Variants in PDXDC1 observed in about 807,000 individuals in gnomAD.
PDXDC1 encodes pyridoxal dependent decarboxylase domain containing 1, also known as pyridoxal-dependent decarboxylase domain-containing protein 1.
In PDXDC1, 42 loss-of-function variants were observed where a neutral mutation model predicts 100.1. That is an observed-to-expected ratio of 0.42 (90% CI 0.33 to 0.54). The LOEUF is 0.54. Ranked by LOEUF, PDXDC1 falls within the 20% of genes least tolerant of loss-of-function variation. The probability of loss-of-function intolerance (pLI) is 0.10; values close to 1 mark genes in which losing one functional copy is unlikely to be tolerated. For synonymous variants in PDXDC1, 260 were observed against 371.7 expected (o/e 0.70, Z 3.46); for missense variants, 636 against 979.2 (o/e 0.65, Z 4.68).
chr16:15,135,592 G>A (rs918389935), intron 16 of PDXDC1: 1 of 1,371,364 alleles, frequency 7.3e-7, no homozygotes, highest in African/African-American at 1.4e-5. Context: ...GGTGTTCTCT[G>A]GGCTCATGGG....
chr16:15,132,534 G>A (rs1336303569), intron 16 of PDXDC1, among the ~76,000 whole-genome samples: 1 of 150,720 alleles, frequency 6.6e-6, no homozygotes, highest in East Asian at 2.0e-4. Context: ...GAGGCACCCT[G>A]CGTTCACACA....
chr16:14,984,495 A>ATATATATATATATATAT (rs1555542734), intron 1 of PDXDC1, among the ~76,000 whole-genome samples: 3 of 73,490 alleles, frequency 4.1e-5, no homozygotes, highest in South Asian at 5.3e-4. Context: ...ATATATATAT[A>ATATATATATATATATAT]TTTTTTTTTT....
chr16:15,027,352 G>A (rs1160443010), intron 14 of PDXDC1, among the ~76,000 whole-genome samples: 1 of 152,288 alleles, frequency 6.6e-6, no homozygotes, highest in African/African-American at 2.4e-5. Context: ...CAGCATCTGG[G>A]GGTGAATGTT....
intron 8 of PDXDC1, chr16:15,015,788 A>C (rs2041749366): frequency 2.3e-6 from 1 of 437,872 alleles, no homozygotes; most frequent in South Asian, 3.2e-5. Context: ...CTAAAGGAAA[A>C]GTCTGATGTA....
chr16:15,097,833 T>C (rs2046410484), intron 16 of PDXDC1, among the ~76,000 whole-genome samples: 2 of 152,074 alleles, frequency 1.3e-5, no homozygotes, highest in African/African-American at 4.8e-5. Context: ...ATAATTATCA[T>C]ATTTATACTC....
intron 14 of PDXDC1, among the ~76,000 whole-genome samples, chr16:15,027,665 G>A (rs568323445): frequency 2.6e-4 from 40 of 152,396 alleles, no homozygotes; most frequent in Non-Finnish European, 4.1e-4. Context: ...CCTCGTCCCC[G>A]TGGTTGATGG....
At chr16:15,074,110 T>C (rs1167009301) in intron 16 of PDXDC1, among the ~76,000 whole-genome samples, 1 of 152,208 alleles carries the variant, frequency 6.6e-6, no homozygotes, top group African/African-American at 2.4e-5. Context: ...GCCATTTAAA[T>C]TGTTTTTATC....
At chr16:15,022,898 C>A (rs557726743) in intron 13 of PDXDC1, 144 bp downstream of exon 13, 11 of 737,344 alleles carry the variant, frequency 1.5e-5, no homozygotes, top group Non-Finnish European at 2.1e-5. Flanking sequence ...AACAAAAAAA[C>A]GAAACAAAAA....
At chr16:15,020,975 A>AACACAC (rs66850292) in intron 12 of PDXDC1, among the ~76,000 whole-genome samples, 7,551 of 144,440 alleles carry the variant, frequency 0.052, 21 homozygotes, top group South Asian at 0.075. Flanking sequence ...GCACCATCTA[A>AACACAC]ACACACACAC....
Position 15,085,614 on chromosome 16 carries a change from A to G in PDXDC1, c.1400-53265A>G, listed in dbSNP as rs749330463. The G allele has an allele frequency of 3.8e-5, 61 of 1,607,450 alleles. No homozygotes were observed. In the African/African-American group the frequency reaches 7.2e-4, roughly 19 times the overall value. On this transcript the variant is annotated intron_variant, in intron 16 of 16. Coordinates refer to the PDXDC1 transcript ENST00000535621. ...ATTATGGGTGAAAGCTACTGTGCCC[A>G]GGCTTTAAACCTTTTTATACTTACT...
intron 1 of PDXDC1, among the ~76,000 whole-genome samples, chr16:14,985,575 G>A (rs1383241343): frequency 4.0e-5 from 6 of 151,888 alleles, no homozygotes; most frequent in South Asian, 2.1e-4. Flanking sequence ...GTGAGCCACC[G>A]CGCCTGGCCT....
chr16:14,978,346 T>C (rs1220325459), intron 1 of PDXDC1, among the ~76,000 whole-genome samples: 1 of 152,288 alleles, frequency 6.6e-6, no homozygotes, highest in Admixed American at 6.5e-5. Flanking sequence ...ACTATAATGA[T>C]GAAGATTTTA....
At chr16:15,109,163 G>C (rs1029342183) in intron 16 of PDXDC1, 2 of 149,100 alleles carry the variant, frequency 1.3e-5, no homozygotes, top group African/African-American at 4.9e-5. Flanking sequence ...AAAAAGATCA[G>C]TCATATGGGC....
intron 16 of PDXDC1, chr16:15,076,765 T>C: frequency 1.4e-6 from 1 of 700,052 alleles, no homozygotes; most frequent in Non-Finnish European, 2.6e-6. Flanking sequence ...ATTAGTGCCT[T>C]ATATCACACC....
At chr16:15,061,643 A>T (rs750693698) in intron 16 of PDXDC1, 45 of 1,146,892 alleles carry the variant, frequency 3.9e-5, no homozygotes, top group Non-Finnish European at 5.7e-5. Context: ...CACTCGCTCT[A>T]GTTCAATGCC....
At chr16:15,132,864 C>T (rs2048172800) in intron 16 of PDXDC1, 2 of 1,590,270 alleles carry the variant, frequency 1.3e-6, no homozygotes, top group East Asian at 2.2e-5. Context: ...ACGTCCAGGG[C>T]CCGCTCGTAC....
intron 16 of PDXDC1, among the ~76,000 whole-genome samples, chr16:15,050,794 A>G (rs111944282): frequency 2.6e-5 from 4 of 152,308 alleles, no homozygotes; most frequent in African/African-American, 9.6e-5. Flanking sequence ...GATCAGCTTG[A>G]TTACTTACAT....
At chr16:15,003,016 A>C (rs1037094201) in intron 4 of PDXDC1, among the ~76,000 whole-genome samples, 4 of 152,368 alleles carry the variant, frequency 2.6e-5, no homozygotes, top group Non-Finnish European at 2.9e-5. Context: ...TCTTTTTCTT[A>C]TTATTCACAG....
chr16:15,132,942 C>G (rs1261357487), intron 16 of PDXDC1: 5 of 1,576,636 alleles, frequency 3.2e-6, no homozygotes, highest in Non-Finnish European at 4.3e-6. Flanking sequence ...AGCAGATGCC[C>G]ACGACTCCCG....
Sources: gnomAD v4.1 joint callset for allele counts (sites outside exome capture counted in the v4.1 genomes callset) on GRCh38, gnomAD v4.1.1 for gene constraint, MANE v1.5 for transcripts, NCBI Gene and HGNC (gene_info 2026-07-23, HGNC 2026-07-21) for gene names.